Variants in SNAPC4 observed in about 807,000 individuals in gnomAD.
The protein encoded by SNAPC4 is snRNA-activating protein complex subunit 4.
A neutral mutation model predicts 151.3 loss-of-function variants in SNAPC4; 127 were observed. The observed-to-expected ratio is 0.84, with a 90% confidence interval of 0.73 to 0.97. SNAPC4 has a LOEUF of 0.97. Ranked by LOEUF, SNAPC4 falls within the 50% of genes least tolerant of loss-of-function variation. The pLI, the probability that SNAPC4 is intolerant of heterozygous loss-of-function variation, is 0.00. For missense variants in SNAPC4, 2,186 were observed against 1,935.0 expected, an observed-to-expected ratio of 1.13 and a Z score of -2.43; for synonymous variants, 1,002 against 824.4, an observed-to-expected ratio of 1.22 and a Z score of -3.69.
At chr9:136,391,555 A>G (rs1834074387) in intron 10 of SNAPC4, among the ~76,000 whole-genome samples, 1 of 152,084 alleles carries the variant, frequency 6.6e-6, no homozygotes, top group Admixed American at 6.5e-5. Flanking sequence ...TAAAGAACTG[A>G]GTCCTTACTC....
chr9:136,390,846 T>C (rs915458098), intron 10 of SNAPC4, among the ~76,000 whole-genome samples: 6 of 151,806 alleles, frequency 4.0e-5, no homozygotes, highest in Non-Finnish European at 7.4e-5. Flanking sequence ...ATTTATTTTT[T>C]TTTTTTTTGA....
At chr9:136,393,460 G>A (rs1246813825) in intron 7 of SNAPC4, among the ~76,000 whole-genome samples, 1 of 145,536 alleles carries the variant, frequency 6.9e-6, no homozygotes, top group Non-Finnish European at 1.6e-5. Context: ...GAGCAGCTCT[G>A]TCTTTGACCA....
chr9:136,385,608 T>C (rs1018261223), intron 13 of SNAPC4, among the ~76,000 whole-genome samples: 1 of 151,512 alleles, frequency 6.6e-6, no homozygotes, highest in African/African-American at 2.4e-5. Flanking sequence ...CAGGCTGGAG[T>C]GCAGTGGCGC....
rs1436738359 is a variant in SNAPC4, at chr9:136,394,258, T to G, written c.623A>C (p.Lys208Thr). 2.5e-6 allele frequency: 4 copies of G among 1,613,032 alleles called. No individual in the cohort carries two copies. Among genetic ancestry groups the G allele is most frequent in the Admixed American group, 3.3e-5 (2 of 60,030 alleles). ...SDRLQRLLQP[K>T]LLKLEYLHQK... ...ATGGTTTTAGACTTACTTCAGTAACTTGGGCTGAAGCAATCGCTGCAGGCG... is the reference window on the plus strand; with the variant it reads ...ATGGTTTTAGACTTACTTCAGTAACGTGGGCTGAAGCAATCGCTGCAGGCG... The change falls in exon 7 of 24, where the codon AAG becomes ACG. Residue 208 changes from lysine (K) to threonine (T), a missense_variant. Lys to Thr is a moderately conservative substitution (Grantham distance 78). Transcript: ENST00000684778.
chr9:136,388,763 G>A (rs1208507914), intron 10 of SNAPC4, among the ~76,000 whole-genome samples, 172 bp from the exon 11 acceptor site: 1 of 152,204 alleles, frequency 6.6e-6, no homozygotes, highest in Non-Finnish European at 1.5e-5. Flanking sequence ...GCACCCCACG[G>A]TAGGAAGACA....
intron 7 of SNAPC4, among the ~76,000 whole-genome samples, chr9:136,393,183 G>A (rs1361623518): frequency 6.6e-6 from 1 of 152,190 alleles, no homozygotes; most frequent in African/African-American, 2.4e-5. Flanking sequence ...GGCCAGGGAG[G>A]AAAACCCAGC....
rs1020052225 is a variant in SNAPC4, at chr9:136,392,834, G to A, written c.633-57C>T. ...GGCACGAGGGCTGCGGGGCGGGGCA[G>A]GTTCTCTGCACATTACAGGGCAAGG... On this transcript the variant is annotated intron_variant, in intron 7 of 23. Transcript: ENST00000684778. 17 of 1,408,072 alleles carry A rather than the reference G, an allele frequency of 1.2e-5. No individual in the cohort carries two copies. The East Asian group carries it at 3.9e-4, about 32-fold the overall frequency. 87.2% of individuals were successfully genotyped at this position (1,408,072 alleles called of 1,614,324 possible).
Position 136,392,612 on chromosome 9 carries a change from G to A in SNAPC4, c.738-18C>T, listed in dbSNP as rs1178362688. 2.5e-6 allele frequency: 4 copies of A among 1,613,776 alleles called. No individual in the cohort carries two copies. Among genetic ancestry groups the A allele is most frequent in the Non-Finnish European group, 3.4e-6 (4 of 1,179,972 alleles). ...GAAGCTGGCTGGTGGAAGGGATGAG[G>A]GTATTGGCACCACGCCTGGCTTGTG... On this transcript the variant is annotated intron_variant, in intron 8 of 23. Transcript: ENST00000684778.
rs201519313 is a variant in SNAPC4, at chr9:136,387,477, C to G, written c.1325+8G>C. On this transcript the variant is annotated splice_region_variant and intron_variant, in intron 13 of 23. Coordinates refer to ENST00000684778, the MANE Select transcript of SNAPC4 (RefSeq NM_003086.4). ...GGCCCCTCCCTCGCTCAGCGCTGTGCGACTCACCGATCTCGGCACTGGGCA... is the reference window on the plus strand; with the variant it reads ...GGCCCCTCCCTCGCTCAGCGCTGTGGGACTCACCGATCTCGGCACTGGGCA... 6.5e-5 allele frequency: 104 copies of G among 1,593,328 alleles called. No individual in the cohort carries two copies. In the African/African-American group the frequency reaches 1.2e-3, roughly 19 times the overall value.
chr9:136,377,433 C>A, intron 22 of SNAPC4, 110 bp downstream of exon 22: 1 of 1,344,648 alleles, frequency 7.4e-7, no homozygotes, highest in South Asian at 1.7e-5. Flanking sequence ...CAGCAGCCAG[C>A]CTTCCTGCCC....
Position 136,377,690 on chromosome 9 carries a change from G to A in SNAPC4, c.4137C>T (p.Ala1379=), listed in dbSNP as rs1833503799. The A allele has an allele frequency of 6.2e-7, 1 of 1,608,280 alleles. No homozygotes were observed. Among genetic ancestry groups the A allele is most frequent in the Admixed American group, 1.7e-5 (1 of 59,752 alleles). The change falls in exon 22 of 24, where the codon GCC becomes GCT. Residue 1379 remains alanine (A), a synonymous_variant. Coordinates refer to ENST00000684778, the MANE Select transcript of SNAPC4 (RefSeq NM_003086.4). ...LAAFTLPALL[A]TLAPQGVRTT... ...TGCGGACGCCTTGGGGGGCCAGGGT[G>A]GCCAGGAGCGCAGGGAGGGTGAAGG...
In SNAPC4 at chr9:136,378,882, G is replaced by T; in HGVS notation, c.2945C>A (p.Ser982Tyr). 6.2e-7 allele frequency: 1 copy of T among 1,611,332 alleles called. No homozygotes were observed. The highest frequency in any genetic ancestry group is 8.5e-7 in the Non-Finnish European group (1 of 1,179,574). ...AGCGAGGGGCAGGGCTTGCATGGTG[G>T]AGAGTCTCTTGTCCTTGGCTGAAGT... ...AGTSAKDKRLSTMQALPLAPV... is the reference protein window; with the variant it reads ...AGTSAKDKRLYTMQALPLAPV... Residue 982 changes from serine (S) to tyrosine (Y), a missense_variant, in exon 22 of 24, where the codon TCC (serine) becomes TAC (tyrosine). By Grantham distance (144) the Ser-to-Tyr change is moderately radical. Transcript: ENST00000684778.
chr9:136,388,630 G>A lies in SNAPC4; in HGVS notation c.976-39C>T, dbSNP rs200860054. 2.9e-5 allele frequency: 47 copies of A among 1,611,990 alleles called. 1 individual carries two copies. Among genetic ancestry groups the A allele is most frequent in the East Asian group, 1.3e-4 (6 of 44,860 alleles). On this transcript the variant is annotated intron_variant, in intron 10 of 23. Coordinates refer to ENST00000684778, the MANE Select transcript of SNAPC4 (RefSeq NM_003086.4). ...AACAAAAGCAAATGAGTGTTACTGC[G>A]CGGCAGGATGTCCAGATCTGGCTCT... is the stretch of plus-strand genomic sequence containing the variant.
Position 136,378,660 on chromosome 9 carries a change from T to C in SNAPC4, c.3167A>G (p.Gln1056Arg). The C allele has an allele frequency of 6.8e-7, 1 of 1,473,430 alleles. No individual in the cohort carries two copies. The allele number at this position is 1,473,430 out of a possible 1,614,324, so 91.3% of individuals were successfully genotyped here. The part of the protein sequence containing the change: ...AAPSPTPLPV[Q>R]PLSLTHIGGP... ...TCCTATGTGCGTCAGGCTGAGGGGC[T>C]GGACGGGCAGTGGGGTGGGGCTGGG... Residue 1056 changes from glutamine to arginine, a missense_variant, in exon 22 of 24, where the codon CAG (glutamine) becomes CGG (arginine). Physicochemically the swap from Gln to Arg is conservative, Grantham distance 43. Coordinates refer to ENST00000684778, the MANE Select transcript of SNAPC4 (RefSeq NM_003086.4).
intron 3 of SNAPC4, among the ~76,000 whole-genome samples, chr9:136,396,085 T>C (rs1834260298): frequency 6.6e-6 from 1 of 152,224 alleles, no homozygotes; most frequent in South Asian, 2.1e-4. Flanking sequence ...AGGCGTCCTG[T>C]GAACCCTGAA....
rs1833504856 is a variant in SNAPC4 at position 136,377,705 on chromosome 9, G to A, written c.4122C>T (p.Leu1374=). The A allele has an allele frequency of 6.2e-7, 1 of 1,609,236 alleles. No individual in the cohort carries two copies. Among genetic ancestry groups the A allele is most frequent in the Non-Finnish European group, 8.5e-7 (1 of 1,177,626 alleles). The change falls in exon 22 of 24, where the codon CTC becomes CTT. Residue 1374 remains leucine, a synonymous_variant. Transcript: ENST00000684778. The stretch of plus-strand genomic sequence containing the variant: ...GGGCCAGGGTGGCCAGGAGCGCAGG[G>A]AGGGTGAAGGCTGCCAGGAACCGCG... The part of the protein sequence containing the change: ...LRARFLAAFT[L]PALLATLAPQ...
In SNAPC4 at chr9:136,394,740, G is replaced by C; in HGVS notation, c.550+60C>G. On this transcript the variant is annotated intron_variant, in intron 6 of 23. Transcript: ENST00000684778. Reference sequence around the variant, plus strand: ...GAACTTGGGGAGAAACTGGGGAAAGGAGGGCCATGGGGAGGTGTCCCAAGC... The same window carrying C: ...GAACTTGGGGAGAAACTGGGGAAAGCAGGGCCATGGGGAGGTGTCCCAAGC... The C allele has an allele frequency of 2.1e-6, 3 of 1,445,366 alleles. No homozygotes were observed. In the African/African-American group the frequency reaches 4.2e-5, roughly 20 times the overall value. 89.5% of individuals were successfully genotyped at this position (1,445,366 alleles called of 1,614,324 possible).
At chr9:136,398,671 T>G in intron 1 of SNAPC4, 1 of 442,204 alleles carries the variant, frequency 2.3e-6, no homozygotes, top group Non-Finnish European at 4.1e-6. Flanking sequence ...CCCAAGAACA[T>G]CTCCCGCCTG....
Position 136,377,962 on chromosome 9 carries a change from G to C in SNAPC4, c.3865C>G (p.Gln1289Glu). ...AGAAGAGGCACACGCACCCCCCGCT[G>C]GCCCCCCAGCCACTGCTGTGTGGCC... is the stretch of plus-strand genomic sequence containing the variant. ...EAATQQWLGG[Q>E]RGVRVPLLGS... Residue 1289 changes from glutamine (Q) to glutamate (E), a missense_variant, in exon 22 of 24, where the codon CAG (glutamine) becomes GAG (glutamate). Physicochemically the swap from Gln to Glu is conservative, Grantham distance 29. Coordinates refer to ENST00000684778, the MANE Select transcript of SNAPC4 (RefSeq NM_003086.4). The C allele has an allele frequency of 1.9e-6, 3 of 1,602,028 alleles. No homozygotes were observed. The highest frequency in any genetic ancestry group is 2.6e-6 in the Non-Finnish European group (3 of 1,174,348).
Sources: gnomAD v4.1 joint callset for allele counts (sites outside exome capture counted in the v4.1 genomes callset) on GRCh38, gnomAD v4.1.1 for gene constraint, MANE v1.5 for transcripts, NCBI Gene and HGNC (gene_info 2026-07-23, HGNC 2026-07-21) for gene names.